The following PRELID2 variants were observed in gnomAD, a reference collection of about 807,000 sequenced individuals.
PRELID2 encodes the protein PRELI domain containing 2, also known as PRELI domain-containing protein 2.
Under a neutral mutation model 28.4 loss-of-function variants are expected in PRELID2, and 25 were observed. The ratio of observed to expected loss-of-function variants is 0.88; its 90% CI spans 0.64 to 1.23. The LOEUF (loss-of-function observed/expected upper bound fraction) is 1.23, where lower values mean the gene tolerates loss of function less well. Among genes scored for constraint, PRELID2 ranks in the 50% most tolerant of loss-of-function variants. The probability of loss-of-function intolerance (pLI) is 0.00; values close to 1 mark genes in which losing one functional copy is unlikely to be tolerated. For missense variants in PRELID2, 201 were observed against 214.4 expected, an observed-to-expected ratio of 0.94 and a Z score of 0.39; for synonymous variants, 76 against 71.6, an observed-to-expected ratio of 1.06 and a Z score of -0.31.
chr5:145,680,767 G>A (rs1216356516), intron 1 of PRELID2, among the ~76,000 whole-genome samples: 1 of 151,894 alleles, frequency 6.6e-6, no homozygotes, highest in Non-Finnish European at 1.5e-5. Context: ...TAGTGCTTCT[G>A]CTACCTGCAA....
intron 1 of PRELID2, among the ~76,000 whole-genome samples, chr5:145,627,221 T>C (rs1181612812): frequency 6.8e-6 from 1 of 147,532 alleles, no homozygotes; most frequent in Non-Finnish European, 1.5e-5. Context: ...ACAACATGAA[T>C]GCAACTGGAG....
At chr5:145,763,672 C>T (rs1757586544) in intron 6 of PRELID2, among the ~76,000 whole-genome samples, 1 of 152,218 alleles carries the variant, frequency 6.6e-6, no homozygotes. Context: ...AGGTTGCTTA[C>T]ACAAGACTAT....
At chr5:145,338,568 A>G in the PRELID2 span, among the ~76,000 whole-genome samples, 1 of 152,358 alleles carries the variant, frequency 6.6e-6, no homozygotes, top group East Asian at 1.9e-4. Context: ...GTAAATTTGC[A>G]TAAGAAACTT....
Position 145,700,143 on chromosome 5 carries a change from T to C in PRELID2, n.70+64788A>G, listed in dbSNP as rs896401649. Among the ~76,000 whole-genome samples the C allele has an allele frequency of 2.0e-5, 3 of 152,088 alleles. No individual in the cohort carries two copies. In the East Asian group the frequency reaches 5.8e-4, roughly 29 times the overall value. ...GCAAGCCTAACAGACATTTAGACTA[T>C]ATTCTCAAAGTGTCATCAGAACCCA... is the stretch of plus-strand genomic sequence containing the variant. On this transcript the variant is annotated intron_variant and non_coding_transcript_variant, in intron 1 of 2. Coordinates refer to the PRELID2 transcript ENST00000510259.
At chr5:145,448,302 C>T in the PRELID2 span, among the ~76,000 whole-genome samples, 1 of 151,796 alleles carries the variant, frequency 6.6e-6, no homozygotes, top group Non-Finnish European at 1.5e-5. Context: ...GTCCTTCGCC[C>T]ACTTGTTGAT....
At position 145,756,852 on chromosome 5, in the gene PRELID2, G is replaced by T. The variant is rs966918245; in HGVS notation, c.*3684C>A. On this transcript the variant is annotated 3_prime_UTR_variant, in exon 7 of 7. Coordinates refer to ENST00000683046, the MANE Select transcript of PRELID2 (RefSeq NM_205846.3). ...TAGAGGTAGGCACAGTAATGGGAGA[G>T]ATAAATGACAGATAAAAGTGAGGGA... is the stretch of plus-strand genomic sequence containing the variant. 4.6e-5 allele frequency among the ~76,000 whole-genome samples: 7 copies of T among 152,140 alleles called. No homozygotes were observed. The highest frequency in any genetic ancestry group is 1.7e-4 in the African/African-American group (7 of 41,416).
the PRELID2 span, among the ~76,000 whole-genome samples, chr5:145,366,184 G>A: frequency 2.0e-5 from 3 of 151,764 alleles, no homozygotes. Flanking sequence ...ACAAGGTTTT[G>A]GTGATGTTCT....
the PRELID2 span, among the ~76,000 whole-genome samples, chr5:145,461,039 C>T: frequency 7.2e-5 from 11 of 152,126 alleles, no homozygotes; most frequent in East Asian, 5.8e-4. Context: ...CAATTGATAA[C>T]GGATGGAGAT....
At chr5:145,809,114 G>A (rs545319784) in intron 4 of PRELID2, among the ~76,000 whole-genome samples, 1 of 141,838 alleles carries the variant, frequency 7.1e-6, no homozygotes, top group South Asian at 2.2e-4. Context: ...TGGGTTCACT[G>A]TAATCTCCGC....
the PRELID2 span, among the ~76,000 whole-genome samples, chr5:145,318,142 A>G: frequency 6.6e-6 from 1 of 152,178 alleles, no homozygotes; most frequent in Non-Finnish European, 1.5e-5. Flanking sequence ...CAATTGGGCT[A>G]CTAGGAAGCA....
intron 1 of PRELID2, among the ~76,000 whole-genome samples, chr5:145,601,384 G>T (rs560674302): frequency 3.3e-5 from 5 of 152,000 alleles, no homozygotes; most frequent in Non-Finnish European, 7.4e-5. Flanking sequence ...CACCAGCCCC[G>T]TTGATGGTTT....
chr5:145,740,265 AATATAT>A (rs70998029), intron 1 of PRELID2, among the ~76,000 whole-genome samples: 1,155 of 40,240 alleles, frequency 0.029, 17 homozygotes, highest in Non-Finnish European at 0.035. Flanking sequence ...GGATTTATCA[AATATAT>A]ATATATATAT....
At chr5:145,314,373 TTTTAA>T in the PRELID2 span, among the ~76,000 whole-genome samples, 3 of 152,212 alleles carry the variant, frequency 2.0e-5, no homozygotes, top group Admixed American at 6.5e-5. Context: ...AAGCCATTGA[TTTTAA>T]TTTTTCTATT....
At chr5:145,325,280 G>A in the PRELID2 span, among the ~76,000 whole-genome samples, 1 of 152,170 alleles carries the variant, frequency 6.6e-6, no homozygotes, top group African/African-American at 2.4e-5. Context: ...TAATTCCATA[G>A]AGAGGAAGAA....
chr5:145,416,066 G>A, the PRELID2 span, among the ~76,000 whole-genome samples: 43 of 152,154 alleles, frequency 2.8e-4, no homozygotes, highest in African/African-American at 8.7e-4. Flanking sequence ...TCTTTTGGCT[G>A]CATAAATGTC....
intron 1 of PRELID2, among the ~76,000 whole-genome samples, chr5:145,602,850 G>C (rs1392495494): frequency 1.3e-5 from 2 of 151,944 alleles, no homozygotes; most frequent in Non-Finnish European, 2.9e-5. Flanking sequence ...TCAGGAGTTC[G>C]AGATGAGCCT....
chr5:145,392,238 G>A, the PRELID2 span, among the ~76,000 whole-genome samples: 1 of 152,140 alleles, frequency 6.6e-6, no homozygotes, highest in South Asian at 2.1e-4. Context: ...GTTCAGCATG[G>A]CTGGGGAGGC....
chr5:145,492,248 T>A (rs1752276107), intron 1 of PRELID2, among the ~76,000 whole-genome samples: 1 of 152,202 alleles, frequency 6.6e-6, no homozygotes, highest in Non-Finnish European at 1.5e-5. Context: ...CTCATTGTAG[T>A]TTTGATTTGC....
chr5:145,407,210 G>A, the PRELID2 span, among the ~76,000 whole-genome samples: 1 of 152,174 alleles, frequency 6.6e-6, no homozygotes, highest in Non-Finnish European at 1.5e-5. Context: ...AGGCTTGTTG[G>A]CTGGAGCAAG....
Sources: allele counts gnomAD v4.1 joint callset (sites outside exome capture counted in the v4.1 genomes callset), GRCh38; gene constraint gnomAD v4.1.1; transcripts MANE v1.5; gene names NCBI Gene and HGNC (gene_info 2026-07-23, HGNC 2026-07-21).